The following TENM3 variants were observed in gnomAD, a reference collection of about 807,000 sequenced individuals.
TENM3 encodes the protein teneurin-3.
A neutral mutation model predicts 255.1 loss-of-function variants in TENM3; 63 were observed. That is an observed-to-expected ratio of 0.25 (90% CI 0.20 to 0.30). The LOEUF (loss-of-function observed/expected upper bound fraction) is 0.30, where lower values mean the gene tolerates loss of function less well. TENM3 is among the 10% of genes least tolerant of loss of function. The pLI, the probability that TENM3 is intolerant of heterozygous loss-of-function variation, is 1.00. For missense variants in TENM3, 2,929 were observed against 3,461.1 expected (o/e 0.85, Z 3.86); for synonymous variants, 1,306 against 1,322.3 (o/e 0.99, Z 0.27).
At chr4:182,169,970 T>G (rs1348185110) in intron 1 of TENM3, among the ~76,000 whole-genome samples, 1 of 151,534 alleles carries the variant, frequency 6.6e-6, no homozygotes, top group Admixed American at 6.6e-5. Flanking sequence ...AGTTTCCGAT[T>G]GTTGTGAATG....
the TENM3 span, among the ~76,000 whole-genome samples, chr4:181,985,055 A>G: frequency 1.3e-5 from 2 of 151,992 alleles, no homozygotes; most frequent in East Asian, 3.9e-4. Flanking sequence ...AAAATGGGCA[A>G]TGCTCATTCA....
chr4:181,564,040 CTTTT>C, the TENM3 span, among the ~76,000 whole-genome samples: 8 of 79,788 alleles, frequency 1.0e-4, no homozygotes, highest in African/African-American at 1.6e-4. Context: ...TTTCTTTTTT[CTTTT>C]TTTTTTTTTT....
upstream of TENM3, among the ~76,000 whole-genome samples, chr4:182,140,550 A>C (rs1341417098): frequency 6.6e-6 from 1 of 152,208 alleles, no homozygotes; most frequent in Non-Finnish European, 1.5e-5. Context: ...CAGATGTAAT[A>C]AAGTCCAAAC....
chr4:182,722,010 A>C (rs909005294), intron 13 of TENM3, among the ~76,000 whole-genome samples: 1 of 152,052 alleles, frequency 6.6e-6, no homozygotes, highest in East Asian at 1.9e-4. Context: ...CTTATCTTTT[A>C]ACTTTGTAAT....
intron 4 of TENM3, among the ~76,000 whole-genome samples, chr4:182,626,570 C>T (rs1244947235): frequency 6.6e-6 from 1 of 152,114 alleles, no homozygotes; most frequent in Non-Finnish European, 1.5e-5. Flanking sequence ...GAGTAACTTA[C>T]CCACCATCTT....
chr4:182,328,080 G>A (rs992184463), intron 2 of TENM3, among the ~76,000 whole-genome samples: 3 of 152,134 alleles, frequency 2.0e-5, no homozygotes, highest in African/African-American at 7.2e-5. Flanking sequence ...AACCACTTTG[G>A]GGCCCTAACC....
chr4:182,674,055 C>T lies in TENM3; in HGVS notation c.1326+836C>T, dbSNP rs75735429. Among the ~76,000 whole-genome samples, 1,039 of 152,216 alleles carry T rather than the reference C, an allele frequency of 6.8e-3. 10 individuals carry two copies. The highest frequency in any genetic ancestry group is 0.023 in the African/African-American group (950 of 41,514). On this transcript the variant is annotated intron_variant, in intron 7 of 27. Coordinates refer to ENST00000511685, the MANE Select transcript of TENM3 (RefSeq NM_001080477.4). ...AGACTTTCCCCAAGATCAACTATTA[C>T]GTTAGTACATAGAGGAATATCAAAA...
chr4:182,662,962 G>A (rs1012154699), intron 6 of TENM3, among the ~76,000 whole-genome samples: 1 of 152,174 alleles, frequency 6.6e-6, no homozygotes, highest in African/African-American at 2.4e-5. Context: ...CTAGTCCCCT[G>A]TATTCAAACT....
At chr4:182,542,445 C>G (rs763957764) in intron 3 of TENM3, among the ~76,000 whole-genome samples, 1 of 152,160 alleles carries the variant, frequency 6.6e-6, no homozygotes, top group Non-Finnish European at 1.5e-5. Context: ...AGGGCTACCT[C>G]TTGGATACAA....
At chr4:182,669,301 A>C (rs992339080) in intron 6 of TENM3, among the ~76,000 whole-genome samples, 14 of 152,014 alleles carry the variant, frequency 9.2e-5, no homozygotes, top group African/African-American at 3.4e-4. Flanking sequence ...ATGGAGTCTC[A>C]CTCTGTTGCC....
chr4:181,695,680 T>G, the TENM3 span, among the ~76,000 whole-genome samples: 3 of 152,220 alleles, frequency 2.0e-5, no homozygotes, highest in East Asian at 5.8e-4. Context: ...ATAATTGTTT[T>G]GGGTTGAAAG....
At chr4:181,919,642 T>G in the TENM3 span, among the ~76,000 whole-genome samples, 2 of 152,000 alleles carry the variant, frequency 1.3e-5, no homozygotes, top group African/African-American at 4.8e-5. Context: ...CCCTTCCTAG[T>G]CCTGTTCATC....
the TENM3 span, among the ~76,000 whole-genome samples, chr4:181,668,562 A>G: frequency 1.3e-5 from 2 of 152,098 alleles, no homozygotes; most frequent in Non-Finnish European, 2.9e-5. Context: ...CTTAATATTT[A>G]CATAGTGTCC....
At chr4:182,100,646 TAC>T in the TENM3 span, among the ~76,000 whole-genome samples, 2 of 32,302 alleles carry the variant, frequency 6.2e-5, no homozygotes, top group Non-Finnish European at 1.4e-4. Context: ...CACATATATA[TAC>T]ACATATATAC....
At chr4:181,576,992 T>A in the TENM3 span, among the ~76,000 whole-genome samples, 3 of 131,646 alleles carry the variant, frequency 2.3e-5, no homozygotes, top group Admixed American at 1.8e-4. Context: ...ATTATATATA[T>A]TATATATATA....
chr4:182,174,973 G>GA (rs1322373249), intron 1 of TENM3, among the ~76,000 whole-genome samples: 6 of 151,074 alleles, frequency 4.0e-5, no homozygotes, highest in Non-Finnish European at 5.9e-5. Flanking sequence ...TTATCTCTAG[G>GA]AAAAAAAATC....
At chr4:182,326,380 T>A (rs59151896) in intron 2 of TENM3, among the ~76,000 whole-genome samples, 47,430 of 152,020 alleles carry the variant, frequency 0.31, 8,514 homozygotes, top group East Asian at 0.43. Flanking sequence ...GGAGACCCCA[T>A]GGCTCCTGAG....
chr4:181,568,145 A>G, the TENM3 span, among the ~76,000 whole-genome samples: 289 of 147,970 alleles, frequency 2.0e-3, 2 homozygotes, highest in African/African-American at 6.8e-3. Context: ...GTGGGTAGTC[A>G]CTCATGCCAA....
intron 5 of TENM3, among the ~76,000 whole-genome samples, chr4:182,639,724 A>G (rs1038734519): frequency 1.3e-5 from 2 of 152,246 alleles, no homozygotes; most frequent in African/African-American, 4.8e-5. Flanking sequence ...CTTATGTCAG[A>G]TTATGTCACG....
Sources: gnomAD v4.1 joint callset for allele counts (sites outside exome capture counted in the v4.1 genomes callset) on GRCh38, gnomAD v4.1.1 for gene constraint, MANE v1.5 for transcripts, NCBI Gene and HGNC (gene_info 2026-07-23, HGNC 2026-07-21) for gene names.